The following PCSK5 variants were observed in gnomAD, a reference collection of about 807,000 sequenced individuals.
The protein encoded by PCSK5 is prohormone convertase 5.
Under a neutral mutation model 233.2 loss-of-function variants are expected in PCSK5, and 129 were observed. The observed-to-expected ratio is 0.55, with a 90% CI of 0.48 to 0.64. PCSK5 has a LOEUF of 0.64. Ranked by LOEUF, PCSK5 falls within the 30% of genes least tolerant of loss-of-function variation. The pLI is 0.00. For synonymous variants in PCSK5, 825 were observed against 879.2 expected (o/e 0.94, Z 1.09); for missense variants, 2,076 against 2,430.1 (o/e 0.85, Z 3.06).
intron 1 of PCSK5, among the ~76,000 whole-genome samples, chr9:75,894,777 G>A (rs562058024): frequency 1.5e-4 from 23 of 152,254 alleles, no homozygotes; most frequent in Non-Finnish European, 3.1e-4. Flanking sequence ...GGAATAGAGG[G>A]AGAAGCCTTT....
intron 37 of PCSK5, among the ~76,000 whole-genome samples, chr9:76,357,465 C>T (rs915796394): frequency 1.3e-5 from 2 of 151,798 alleles, no homozygotes; most frequent in Admixed American, 6.6e-5. Flanking sequence ...TGCAGTGAGC[C>T]GAGCTATTGT....
In PCSK5 at chr9:76,023,729, T is replaced by A. The variant is rs1442425986; in HGVS notation, c.412-9T>A. 6.3e-7 allele frequency: 1 copy of A among 1,595,758 alleles called. No individual in the cohort carries two copies. The highest frequency in any genetic ancestry group is 8.5e-7 in the Non-Finnish European group (1 of 1,173,230). On this transcript the variant is annotated splice_polypyrimidine_tract_variant and intron_variant, in intron 3 of 37. Coordinates refer to ENST00000674117, the MANE Select transcript of PCSK5 (RefSeq NM_001372043.1). ...TTAGTAATCTTGCAGCATGCTCTTC[T>A]TCTTTCAGCACTGCAGTGACAATAC...
At chr9:76,163,932 G>T (rs1822984072) in intron 12 of PCSK5, among the ~76,000 whole-genome samples, 1 of 127,384 alleles carries the variant, frequency 7.9e-6, no homozygotes, top group South Asian at 2.5e-4. Context: ...CTGGCCCTCT[G>T]TTCCAAATTT....
rs113090311 is a variant in PCSK5, at chr9:76,084,137, T to G, written c.895-11753T>G. Among the ~76,000 whole-genome samples the G allele has an allele frequency of 3.7e-3, 568 of 152,352 alleles. 5 individuals are homozygous for G. Among genetic ancestry groups the G allele is most frequent in the South Asian group, 0.024 (117 of 4,832 alleles). On this transcript the variant is annotated intron_variant, in intron 7 of 37. Coordinates refer to ENST00000674117, the MANE Select transcript of PCSK5 (RefSeq NM_001372043.1). ...GTGGAATTCTGTGTATTTAGAACAT[T>G]AACAAAGCTAAGACTTGGTTTGCCG...
chr9:76,302,959 C>CTTTTTTTTTTTTTTTTT, intron 28 of PCSK5, among the ~76,000 whole-genome samples: 1 of 87,488 alleles, frequency 1.1e-5, no homozygotes, highest in Non-Finnish European at 2.2e-5. Context: ...CAAAGTGGTT[C>CTTTTTTTTTTTTTTTTT]TTTTTTTTTT....
intron 3 of PCSK5, among the ~76,000 whole-genome samples, chr9:76,017,896 T>A (rs1024117195): frequency 4.0e-5 from 6 of 151,824 alleles, no homozygotes; most frequent in African/African-American, 1.5e-4. Flanking sequence ...ACAGAATCTC[T>A]ACTTCGTATA....
Position 76,323,140 on chromosome 9 carries a change from C to G in PCSK5, c.4191C>G (p.Pro1397=). The G allele has an allele frequency of 6.2e-7, 1 of 1,612,512 alleles. No homozygotes were observed. Among genetic ancestry groups the G allele is most frequent in the Non-Finnish European group, 8.5e-7 (1 of 1,179,626 alleles). The change falls in exon 32 of 38, where the codon CCC becomes CCG. Residue 1397 remains proline (P), a synonymous_variant. Transcript: ENST00000674117. ...ATGCAGACTCGCGCCACTGTGTCCCCTGCCATAAAGACTGTCTGGAGTGCA... is the reference window on the plus strand; with the variant it reads ...ATGCAGACTCGCGCCACTGTGTCCCGTGCCATAAAGACTGTCTGGAGTGCA... ...GFYADSRHCV[P]CHKDCLECSG... is the part of the protein sequence containing the mutation.
chr9:75,980,163 G>A (rs1290931928), intron 2 of PCSK5, among the ~76,000 whole-genome samples: 1 of 152,224 alleles, frequency 6.6e-6, no homozygotes, highest in Non-Finnish European at 1.5e-5. Context: ...GGAGAACTAT[G>A]ATGTTAATTC....
At chr9:76,275,236 G>C (rs1827653160) in intron 24 of PCSK5, among the ~76,000 whole-genome samples, 1 of 151,974 alleles carries the variant, frequency 6.6e-6, no homozygotes, top group Admixed American at 6.6e-5. Context: ...ATTTTTTCCT[G>C]TCTCTTCCTC....
chr9:76,336,295 T>C (rs1466552823), intron 34 of PCSK5, among the ~76,000 whole-genome samples: 1 of 135,392 alleles, frequency 7.4e-6, no homozygotes, highest in Non-Finnish European at 1.6e-5. Flanking sequence ...AGCAAGTTCA[T>C]GGAGCTGAAT....
At chr9:76,042,544 A>G (rs753625616) in intron 5 of PCSK5, among the ~76,000 whole-genome samples, 18 of 152,100 alleles carry the variant, frequency 1.2e-4, no homozygotes, top group African/African-American at 2.4e-4. Context: ...AATCCCAGCT[A>G]CTAGGGGGGG....
At chr9:76,082,589 T>C (rs1473822601) in intron 7 of PCSK5, among the ~76,000 whole-genome samples, 20 of 152,056 alleles carry the variant, frequency 1.3e-4, no homozygotes, top group Admixed American at 1.2e-3. Context: ...ATGTTCTAAA[T>C]GAAGTGCAAG....
chr9:76,262,308 T>C (rs1170498692), intron 24 of PCSK5, among the ~76,000 whole-genome samples: 1 of 151,726 alleles, frequency 6.6e-6, no homozygotes, highest in Non-Finnish European at 1.5e-5. Context: ...AAAAAGAGCA[T>C]GCATCACCAA....
intron 2 of PCSK5, among the ~76,000 whole-genome samples, chr9:75,967,080 A>C (rs1056623060): frequency 1.5e-4 from 23 of 151,954 alleles, no homozygotes; most frequent in Non-Finnish European, 3.1e-4. Flanking sequence ...CCCTTTTTTA[A>C]GTGTTTTATT....
chr9:75,908,935 CTCTCTGTCTA>C (rs1324647493), intron 1 of PCSK5, among the ~76,000 whole-genome samples: 11 of 116,360 alleles, frequency 9.5e-5, no homozygotes, highest in South Asian at 5.3e-4. Flanking sequence ...CTCTATCTCT[CTCTCTGTCTA>C]TCTATCTATC....
intron 35 of PCSK5, among the ~76,000 whole-genome samples, chr9:76,339,647 C>A (rs1265165279): frequency 1.3e-5 from 2 of 152,072 alleles, no homozygotes; most frequent in Admixed American, 1.3e-4. Context: ...CAGGATCAAG[C>A]GATTCTCCTG....
intron 28 of PCSK5, 148 bp downstream of exon 28, chr9:76,302,365 G>A (rs971328397): frequency 3.0e-6 from 1 of 333,622 alleles, no homozygotes; most frequent in Non-Finnish European, 5.9e-6. Context: ...TTGGAGACAG[G>A]AGGGGCAATA....
intron 1 of PCSK5, among the ~76,000 whole-genome samples, chr9:75,895,839 G>T (rs917815808): frequency 3.9e-5 from 6 of 152,180 alleles, no homozygotes; most frequent in African/African-American, 1.4e-4. Flanking sequence ...GAGATGTCCT[G>T]AACACCTCCC....
At chr9:76,219,795 G>A (rs753876544) in intron 20 of PCSK5, among the ~76,000 whole-genome samples, 34 of 152,158 alleles carry the variant, frequency 2.2e-4, no homozygotes, top group Non-Finnish European at 2.9e-5. Flanking sequence ...CTCAGTAAGC[G>A]TCTCCCAAGG....
Sources: allele counts gnomAD v4.1 joint callset (sites outside exome capture counted in the v4.1 genomes callset), GRCh38; gene constraint gnomAD v4.1.1; transcripts MANE v1.5; gene names NCBI Gene and HGNC (gene_info 2026-07-23, HGNC 2026-07-21).